BICC1: variants seen among roughly 807,000 people sequenced by gnomAD.
BICC1 encodes the protein BicC family RNA binding protein 1.
A neutral mutation model predicts 111.0 loss-of-function variants in BICC1; 43 were observed. The ratio of observed to expected loss-of-function variants is 0.39; its 90% CI spans 0.30 to 0.50. The LOEUF is 0.50. Among genes scored for constraint, BICC1 ranks in the 20% least tolerant of loss-of-function variants. BICC1 has a pLI of 0.88. For missense variants in BICC1, 1,091 were observed against 1,203.2 expected (o/e 0.91, Z 1.38); for synonymous variants, 467 against 434.4 (o/e 1.07, Z -0.93).
At chr10:58,823,069 CT>C (rs932524695) in intron 20 of BICC1, among the ~76,000 whole-genome samples, 147 of 141,918 alleles carry the variant, frequency 1.0e-3, no homozygotes, top group Middle Eastern at 3.6e-3. Flanking sequence ...CCCAAATCCA[CT>C]TTTTTTTTTT....
At chr10:58,759,306 T>C (rs1842237293) in intron 3 of BICC1, among the ~76,000 whole-genome samples, 1 of 152,036 alleles carries the variant, frequency 6.6e-6, no homozygotes, top group South Asian at 2.1e-4. Flanking sequence ...CAAAAATGAT[T>C]CAATATAAAC....
chr10:58,662,800 GA>G (rs1838885059), intron 2 of BICC1, among the ~76,000 whole-genome samples: 1 of 152,166 alleles, frequency 6.6e-6, no homozygotes, highest in Non-Finnish European at 1.5e-5. Flanking sequence ...AATCTGGTAA[GA>G]AAGGAAAAGT....
rs547568860 is a variant in BICC1, at chr10:58,513,626, T to C, written c.190+293T>C. Among the ~76,000 whole-genome samples the C allele has an allele frequency of 2.4e-4, 36 of 152,344 alleles. 1 individual carries two copies. In the South Asian group the frequency reaches 6.8e-3, roughly 29 times the overall value. ...CGCGCCCAAGTTGCGTTCTGGACTT[T>C]GGAGATGCCAACTTTAGCCCGGACA... is the stretch of plus-strand genomic sequence containing the variant. On this transcript the variant is annotated intron_variant, in intron 1 of 20. Coordinates refer to ENST00000373886, the MANE Select transcript of BICC1 (RefSeq NM_001080512.3).
intron 3 of BICC1, among the ~76,000 whole-genome samples, chr10:58,758,719 C>CT (rs1368283876): frequency 4.4e-4 from 67 of 152,180 alleles, no homozygotes; most frequent in Non-Finnish European, 9.3e-4. Flanking sequence ...ATGGCACTAA[C>CT]TTTTTTTATT....
intron 1 of BICC1, among the ~76,000 whole-genome samples, chr10:58,543,694 G>C (rs1316834708): frequency 1.3e-5 from 2 of 152,026 alleles, no homozygotes; most frequent in Admixed American, 6.6e-5. Context: ...AGGTTTTGTA[G>C]AGACAGTCTT....
chr10:58,757,157 A>G (rs1032948141), intron 3 of BICC1, among the ~76,000 whole-genome samples: 2 of 152,246 alleles, frequency 1.3e-5, no homozygotes, highest in African/African-American at 2.4e-5. Flanking sequence ...CAAGGACTGT[A>G]TATAAAATAA....
intron 3 of BICC1, among the ~76,000 whole-genome samples, chr10:58,780,639 G>C (rs974090932): frequency 7.9e-5 from 12 of 152,160 alleles, no homozygotes; most frequent in African/African-American, 2.9e-4. Context: ...TTAGGGGCCT[G>C]AAGGAAGAAG....
At chr10:58,544,027 A>G (rs1192934017) in intron 1 of BICC1, among the ~76,000 whole-genome samples, 5 of 152,050 alleles carry the variant, frequency 3.3e-5, no homozygotes. Context: ...TTACAGTTTA[A>G]AAAAGGTAGC....
intron 2 of BICC1, among the ~76,000 whole-genome samples, chr10:58,656,020 C>G (rs1319319401): frequency 6.6e-6 from 1 of 152,108 alleles, no homozygotes; most frequent in Non-Finnish European, 1.5e-5. Flanking sequence ...GGGGATATCA[C>G]CACCGATCCC....
chr10:58,695,670 G>A (rs576624875), intron 2 of BICC1, among the ~76,000 whole-genome samples: 27 of 152,290 alleles, frequency 1.8e-4, no homozygotes, highest in African/African-American at 6.5e-4. Flanking sequence ...GGTGAAATAA[G>A]CATGTTAGTA....
intron 2 of BICC1, among the ~76,000 whole-genome samples, chr10:58,700,365 G>A (rs1840195284): frequency 1.3e-5 from 2 of 152,070 alleles, no homozygotes; most frequent in Admixed American, 1.3e-4. Flanking sequence ...TTTTTGGGGT[G>A]GCATCATGGC....
intron 2 of BICC1, among the ~76,000 whole-genome samples, chr10:58,656,551 A>G (rs1031130557): frequency 6.6e-6 from 1 of 150,888 alleles, no homozygotes; most frequent in African/African-American, 2.4e-5. Flanking sequence ...CAATATACGC[A>G]AATCAATAAA....
intron 3 of BICC1, among the ~76,000 whole-genome samples, chr10:58,707,000 C>T (rs1840404701): frequency 6.6e-6 from 1 of 152,202 alleles, no homozygotes; most frequent in South Asian, 2.1e-4. Flanking sequence ...CTAATCCCTG[C>T]AAGTGGTCCT....
At chr10:58,540,856 A>G (rs1842953912) in intron 1 of BICC1, among the ~76,000 whole-genome samples, 1 of 152,122 alleles carries the variant, frequency 6.6e-6, no homozygotes. Flanking sequence ...AGAGTGGTGC[A>G]TTATGACCAA....
At chr10:58,608,754 G>A (rs1184047625) in intron 1 of BICC1, among the ~76,000 whole-genome samples, 1 of 152,128 alleles carries the variant, frequency 6.6e-6, no homozygotes, top group Non-Finnish European at 1.5e-5. Context: ...TTATGCCACT[G>A]GTAAATGGCA....
At chr10:58,669,821 T>C (rs1052018914) in intron 2 of BICC1, among the ~76,000 whole-genome samples, 8 of 152,194 alleles carry the variant, frequency 5.3e-5, no homozygotes, top group African/African-American at 1.9e-4. Context: ...AATATTTCTG[T>C]TTCACTCTTT....
At position 58,800,237 on chromosome 10, in the gene BICC1, G is replaced by A. The variant is rs780018885; in HGVS notation, c.1769G>A (p.Gly590Glu). 1.9e-6 allele frequency: 3 copies of A among 1,609,912 alleles called. No individual in the cohort carries two copies. The Admixed American group carries it at 5.0e-5, about 27-fold the overall frequency. ...KYGAISTSSL[G>E]EKVLSANHGD... ...GGTGCAATATCCACTTCATCACTTG[G>A]AGAAAAAGTGCTGAGTGCAAATCAC... The change falls in exon 13 of 21, where the codon GGA (glycine) becomes GAA (glutamate). Residue 590 changes from glycine to glutamate, a missense_variant. By Grantham distance (98) the Gly-to-Glu change is moderately conservative. This residue lies in a region of BICC1 where 843 missense variants were observed against 900.8 expected (regional missense o/e 0.94). Transcript: ENST00000373886.
At chr10:58,542,532 A>G (rs1843020624) in intron 1 of BICC1, among the ~76,000 whole-genome samples, 1 of 152,188 alleles carries the variant, frequency 6.6e-6, no homozygotes. Flanking sequence ...CATCAGACCT[A>G]AAAACTTTTG....
intron 3 of BICC1, among the ~76,000 whole-genome samples, chr10:58,714,647 G>T (rs1840680502): frequency 6.6e-6 from 1 of 152,002 alleles, no homozygotes; most frequent in Non-Finnish European, 1.5e-5. Flanking sequence ...CACCACAATG[G>T]TGCTGTAAAT....
Sources: allele counts gnomAD v4.1 joint callset (sites outside exome capture counted in the v4.1 genomes callset), GRCh38; gene constraint gnomAD v4.1.1; regional missense constraint gnomAD v4.1.1; transcripts MANE v1.5; gene names NCBI Gene and HGNC (gene_info 2026-07-23, HGNC 2026-07-21).